Variants in LRMDA observed in about 807,000 individuals in gnomAD.
LRMDA encodes leucine rich melanocyte differentiation associated, also known as leucine-rich melanocyte differentiation-associated protein.
Under a neutral mutation model 29.8 loss-of-function variants are expected in LRMDA, and 18 were observed. The ratio of observed to expected loss-of-function variants is 0.60; its 90% CI spans 0.42 to 0.90. The LOEUF (loss-of-function observed/expected upper bound fraction) is 0.90. Among genes scored for constraint, LRMDA ranks in the 40% least tolerant of loss-of-function variants. LRMDA has a pLI of 0.00. For synonymous variants in LRMDA, 125 were observed against 109.4 expected (o/e 1.14, Z -0.89); for missense variants, 273 against 273.9 (o/e 1.00, Z 0.02).
chr10:76,503,722 T>C (rs1842933711), intron 6 of LRMDA, among the ~76,000 whole-genome samples: 1 of 151,870 alleles, frequency 6.6e-6, no homozygotes. Flanking sequence ...CTGGGTTTTT[T>C]TCATTATTAG....
chr10:76,133,175 G>C (rs1183705967), intron 5 of LRMDA, among the ~76,000 whole-genome samples: 1 of 151,874 alleles, frequency 6.6e-6, no homozygotes, highest in Non-Finnish European at 1.5e-5. Context: ...TGAAGCAAGG[G>C]AAGTAAGGAA....
intron 2 of LRMDA, among the ~76,000 whole-genome samples, chr10:75,519,435 G>C (rs763025336): frequency 2.0e-5 from 3 of 152,180 alleles, no homozygotes; most frequent in Non-Finnish European, 4.4e-5. Flanking sequence ...TTACCATTAT[G>C]TAATGGCCTT....
intron 6 of LRMDA, among the ~76,000 whole-genome samples, chr10:76,545,122 T>C (rs778987400): frequency 6.6e-6 from 1 of 152,064 alleles, no homozygotes; most frequent in Non-Finnish European, 1.5e-5. Flanking sequence ...ACAAACCCAG[T>C]TGTTACAGGG....
intron 3 of LRMDA, among the ~76,000 whole-genome samples, chr10:76,037,786 A>C (rs1425771334): frequency 1.3e-5 from 2 of 152,230 alleles, no homozygotes; most frequent in Non-Finnish European, 2.9e-5. Flanking sequence ...TCATCTCCAC[A>C]TACCATCATT....
At chr10:76,321,017 G>T (rs957589446) in intron 5 of LRMDA, among the ~76,000 whole-genome samples, 1 of 151,800 alleles carries the variant, frequency 6.6e-6, no homozygotes, top group Non-Finnish European at 1.5e-5. Flanking sequence ...TAGAAATCAG[G>T]TTTTTTTCTC....
At chr10:75,494,611 A>C (rs1390784931) in intron 2 of LRMDA, among the ~76,000 whole-genome samples, 1 of 136,784 alleles carries the variant, frequency 7.3e-6, no homozygotes, top group Middle Eastern at 4.4e-3. Flanking sequence ...AGAGATTCTC[A>C]TGCCTCAGCC....
rs550376295 is a variant in LRMDA, at chr10:76,158,169, C to A, written c.516+99386C>A. 1.7e-4 allele frequency among the ~76,000 whole-genome samples: 26 copies of A among 152,206 alleles called. 1 individual carries two copies. The highest frequency in any genetic ancestry group is 6.3e-4 in the African/African-American group (26 of 41,556). ...ATCTATAACTTCATCTCTAACCATTCTTTCATGTGAATCTTATGTCCTAGG... is the reference window on the plus strand; with the variant it reads ...ATCTATAACTTCATCTCTAACCATTATTTCATGTGAATCTTATGTCCTAGG... On this transcript the variant is annotated intron_variant, in intron 5 of 6. Coordinates refer to ENST00000611255, the MANE Select transcript of LRMDA (RefSeq NM_001305581.2).
intron 2 of LRMDA, among the ~76,000 whole-genome samples, chr10:75,660,215 A>G (rs1463736338): frequency 2.0e-5 from 3 of 152,100 alleles, no homozygotes; most frequent in Non-Finnish European, 4.4e-5. Flanking sequence ...TCTACTCTTA[A>G]CATCTTTTGA....
intron 2 of LRMDA, chr10:75,450,451 C>T (rs1400754626): frequency 2.0e-5 from 3 of 149,512 alleles, no homozygotes; most frequent in Admixed American, 1.3e-4. Context: ...ACAGGGAAGA[C>T]CAACAAAAGA....
intron 2 of LRMDA, among the ~76,000 whole-genome samples, chr10:76,001,944 C>T (rs1035261197): frequency 1.3e-5 from 2 of 152,066 alleles, no homozygotes; most frequent in Non-Finnish European, 2.9e-5. Flanking sequence ...ATGGAAGTGA[C>T]CCTGAGGGCT....
At chr10:75,701,653 A>G (rs1341400434) in intron 2 of LRMDA, among the ~76,000 whole-genome samples, 1 of 152,210 alleles carries the variant, frequency 6.6e-6, no homozygotes, top group Non-Finnish European at 1.5e-5. Flanking sequence ...CAGCACCTGT[A>G]AACAGGGGAG....
intron 5 of LRMDA, among the ~76,000 whole-genome samples, chr10:76,265,571 A>G (rs1839996064): frequency 6.6e-6 from 1 of 152,178 alleles, no homozygotes; most frequent in South Asian, 2.1e-4. Context: ...TTGGATGTCT[A>G]TAACAAGCAC....
chr10:75,594,165 T>A lies in LRMDA; in HGVS notation c.131+155671T>A, dbSNP rs193164427. Reference sequence around the variant, plus strand: ...AGGGTGCCCCGGGTGCCCCTGTTGATGGGCTAAGGAAGAGCACACTGAGAG... The same window carrying A: ...AGGGTGCCCCGGGTGCCCCTGTTGAAGGGCTAAGGAAGAGCACACTGAGAG... On this transcript the variant is annotated intron_variant, in intron 2 of 6. Transcript: ENST00000611255. 1.5e-3 allele frequency among the ~76,000 whole-genome samples: 233 copies of A among 152,288 alleles called. 3 individuals carry two copies. In the South Asian group the frequency reaches 0.022, roughly 14 times the overall value.
intron 2 of LRMDA, among the ~76,000 whole-genome samples, chr10:75,784,211 A>G (rs1843433442): frequency 1.3e-5 from 2 of 152,236 alleles, no homozygotes; most frequent in South Asian, 4.1e-4. Flanking sequence ...CTTAATGGCT[A>G]TGTGACTGCA....
At chr10:75,653,140 G>A (rs1306752887) in intron 2 of LRMDA, among the ~76,000 whole-genome samples, 1 of 152,210 alleles carries the variant, frequency 6.6e-6, no homozygotes, top group Non-Finnish European at 1.5e-5. Context: ...GGAAGTGAAT[G>A]AACTGTTGGG....
intron 2 of LRMDA, among the ~76,000 whole-genome samples, chr10:75,652,681 G>T (rs2132127852): frequency 6.6e-6 from 1 of 152,294 alleles, no homozygotes; most frequent in Admixed American, 6.5e-5. Flanking sequence ...GAGGGAGTCA[G>T]TGGGAGATGC....
intron 2 of LRMDA, among the ~76,000 whole-genome samples, chr10:75,975,169 T>C (rs979811733): frequency 3.3e-5 from 5 of 152,246 alleles, no homozygotes; most frequent in Admixed American, 3.3e-4. Context: ...TCCCATTCTG[T>C]AGACACTGAG....
intron 6 of LRMDA, among the ~76,000 whole-genome samples, chr10:76,483,135 T>C (rs1381579219): frequency 6.6e-6 from 1 of 152,030 alleles, no homozygotes; most frequent in Non-Finnish European, 1.5e-5. Flanking sequence ...TTGCAGTTTT[T>C]CCTTCCCACA....
intron 4 of LRMDA, among the ~76,000 whole-genome samples, chr10:76,048,923 C>T (rs1388219373): frequency 6.6e-6 from 1 of 151,902 alleles, no homozygotes; most frequent in Non-Finnish European, 1.5e-5. Context: ...GGGCTTGGCA[C>T]CTTTTTTTTT....
Sources: gnomAD v4.1 joint callset for allele counts (sites outside exome capture counted in the v4.1 genomes callset) on GRCh38, gnomAD v4.1.1 for gene constraint, MANE v1.5 for transcripts, NCBI Gene and HGNC (gene_info 2026-07-23, HGNC 2026-07-21) for gene names.